Variants in SPRY3 observed in about 807,000 individuals in gnomAD.
SPRY3 encodes the protein protein sprouty homolog 3.
SPRY3 carries 15 observed loss-of-function variants against 20.2 expected under a neutral mutation model. The ratio of observed to expected loss-of-function variants is 0.74; its 90% confidence interval spans 0.50 to 1.14. The LOEUF (loss-of-function observed/expected upper bound fraction) is 1.14, where lower values mean the gene tolerates loss of function less well. Ranked by LOEUF, SPRY3 falls within the 50% of genes most tolerant of loss-of-function variation. SPRY3 has a pLI of 0.00. For missense variants in SPRY3, 364 were observed against 363.9 expected (o/e 1.00, Z 0.00); for synonymous variants, 143 against 136.5 (o/e 1.05, Z -0.33).
intron 1 of SPRY3, among the ~76,000 whole-genome samples, chrX:155,648,658 A>G (rs1016503993): frequency 1.8e-4 from 20 of 111,746 alleles, no homozygotes; most frequent in African/African-American, 5.8e-4. Flanking sequence ...ATTGGTCTAT[A>G]TATCTGTTTT....
In SPRY3 at chrX:155,664,479, T is replaced by C. The variant is rs150963983; in HGVS notation, c.-282+7454T>C. On this transcript the variant is annotated intron_variant, in intron 2 of 3. Transcript: ENST00000675360. ...AGTGAAACTTACCATAAAGCCATAA[T>C]ATTTTTAAAAAGTGTAATATTATAG... is the stretch of plus-strand genomic sequence containing the variant. Among the ~76,000 whole-genome samples, 754 of 109,218 alleles carry C rather than the reference T, an allele frequency of 6.9e-3. 6 individuals are homozygous for C. The highest frequency in any genetic ancestry group is 0.024 in the African/African-American group (715 of 30,199). The allele number at this position is 109,218 out of a possible 115,157, so 94.8% of individuals were successfully genotyped here.
intron 2 of SPRY3, among the ~76,000 whole-genome samples, chrX:155,764,146 G>A (rs1261887119): frequency 6.6e-6 from 1 of 152,092 alleles, no homozygotes; most frequent in East Asian, 1.9e-4. Context: ...TGTCAGCAAG[G>A]TGCCTTAAAA....
rs190900104 is a variant in SPRY3, at chrX:155,767,307, A to G, written c.-281-655A>G. Among the ~76,000 whole-genome samples the G allele has an allele frequency of 5.9e-5, 9 of 151,872 alleles. No individual in the cohort carries two copies. The East Asian group carries it at 1.8e-3, about 30-fold the overall frequency. On this transcript the variant is annotated intron_variant, in intron 2 of 3. Coordinates refer to ENST00000675360, the Ensembl canonical transcript of SPRY3. Reference sequence around the variant, plus strand: ...TCCTCCCCTATAACCCATTCACAAGACCTCCAGAAATCATCTACATTCACA... The same window carrying G: ...TCCTCCCCTATAACCCATTCACAAGGCCTCCAGAAATCATCTACATTCACA...
intron 2 of SPRY3, among the ~76,000 whole-genome samples, chrX:155,718,974 C>A (rs2091038824): frequency 2.0e-5 from 3 of 152,150 alleles, no homozygotes; most frequent in African/African-American, 7.2e-5. Flanking sequence ...AAACTATCTA[C>A]ACAGAAAAAG....
chrX:155,755,068 GCACA>G (rs764248627), intron 2 of SPRY3, among the ~76,000 whole-genome samples: 5 of 143,990 alleles, frequency 3.5e-5, no homozygotes, highest in African/African-American at 1.1e-4. Flanking sequence ...ACACGTGCGT[GCACA>G]CACACACACA....
intron 2 of SPRY3, among the ~76,000 whole-genome samples, chrX:155,734,645 A>C (rs890771956): frequency 3.8e-4 from 57 of 151,416 alleles, no homozygotes; most frequent in Middle Eastern, 3.4e-3. Flanking sequence ...TTGAAAAAAA[A>C]ACACACACAC....
chrX:155,680,946 T>C, intron 2 of SPRY3, among the ~76,000 whole-genome samples: 1 of 111,886 alleles, frequency 8.9e-6, no homozygotes. Flanking sequence ...GATAGCAAAG[T>C]TGATTGATAA....
At chrX:155,770,605 T>C (rs1411330559) in intron 3 of SPRY3, among the ~76,000 whole-genome samples, 1 of 150,124 alleles carries the variant, frequency 6.7e-6, no homozygotes, top group Non-Finnish European at 1.5e-5. Flanking sequence ...TTTGCTCTTA[T>C]TTAATAATAT....
At chrX:155,772,922 G>T (rs1312108603) in intron 3 of SPRY3, among the ~76,000 whole-genome samples, 1 of 151,902 alleles carries the variant, frequency 6.6e-6, no homozygotes, top group East Asian at 1.9e-4. Flanking sequence ...ATAGTAATAG[G>T]TATAATTACA....
At chrX:155,726,389 T>G (rs1181998754) in intron 2 of SPRY3, among the ~76,000 whole-genome samples, 1 of 152,100 alleles carries the variant, frequency 6.6e-6, no homozygotes, top group African/African-American at 2.4e-5. Flanking sequence ...ACCTTCTTTC[T>G]CGTTTATCTG....
intron 2 of SPRY3, among the ~76,000 whole-genome samples, chrX:155,700,569 A>G (rs781880): frequency 0.25 from 23,862 of 94,180 alleles, 4,279 homozygotes; most frequent in African/African-American, 0.47. Flanking sequence ...AAAATGTGGC[A>G]TATACACACA....
At chrX:155,672,604 T>G (rs1603130150) in intron 2 of SPRY3, among the ~76,000 whole-genome samples, 1 of 109,264 alleles carries the variant, frequency 9.2e-6, no homozygotes, top group Non-Finnish European at 1.9e-5. Flanking sequence ...GGAACACTTT[T>G]ACACTGTTGG....
At chrX:155,708,460 A>C (rs1191135597) in intron 2 of SPRY3, among the ~76,000 whole-genome samples, 2 of 151,348 alleles carry the variant, frequency 1.3e-5, no homozygotes, top group Non-Finnish European at 1.5e-5. Context: ...TTTGTTACTT[A>C]GCATCTTGAC....
chrX:155,716,726 T>C (rs2091025290), intron 2 of SPRY3, among the ~76,000 whole-genome samples: 1 of 151,890 alleles, frequency 6.6e-6, no homozygotes, highest in South Asian at 2.1e-4. Context: ...ATCCTGGTTT[T>C]CTATGAATTG....
chrX:155,658,259 T>C (rs782350451), intron 2 of SPRY3, among the ~76,000 whole-genome samples: 68 of 111,741 alleles, frequency 6.1e-4, no homozygotes, highest in African/African-American at 1.3e-3. Flanking sequence ...AGGAATTACA[T>C]TGATTCTGTA....
intron 2 of SPRY3, among the ~76,000 whole-genome samples, chrX:155,731,185 A>G (rs1275968238): frequency 6.6e-6 from 1 of 152,152 alleles, no homozygotes; most frequent in Non-Finnish European, 1.5e-5. Context: ...GGAACCACAA[A>G]AGACCCAGAA....
intron 2 of SPRY3, among the ~76,000 whole-genome samples, chrX:155,684,540 A>G (rs1422137940): frequency 8.9e-6 from 1 of 112,099 alleles, no homozygotes; most frequent in Non-Finnish European, 1.9e-5. Context: ...TACCTTCCAC[A>G]TCTTTGTGCT....
At chrX:155,712,074 G>C (rs1363388249) in intron 2 of SPRY3, among the ~76,000 whole-genome samples, 1 of 151,466 alleles carries the variant, frequency 6.6e-6, no homozygotes, top group African/African-American at 2.4e-5. Context: ...ATTATTTCAA[G>C]TTTTTGCATG....
At chrX:155,658,008 T>C (rs1332852957) in intron 2 of SPRY3, among the ~76,000 whole-genome samples, 1 of 112,093 alleles carries the variant, frequency 8.9e-6, no homozygotes, top group Non-Finnish European at 1.9e-5. Context: ...GCCTTCTGCA[T>C]TGGTCTCACT....
Sources: gnomAD v4.1 joint callset for allele counts (sites outside exome capture counted in the v4.1 genomes callset) on GRCh38, gnomAD v4.1.1 for gene constraint, MANE v1.5 for transcripts, NCBI Gene and HGNC (gene_info 2026-07-23, HGNC 2026-07-21) for gene names.